The following CACNB2 variants were observed in gnomAD, a reference collection of about 807,000 sequenced individuals.
The protein encoded by CACNB2 is calcium voltage-gated channel auxiliary subunit beta 2, also known as voltage-dependent L-type calcium channel subunit beta-2.
CACNB2 carries 42 observed loss-of-function variants against 73.3 expected under a neutral mutation model. The observed-to-expected ratio is 0.57, with a 90% confidence interval of 0.45 to 0.74. The LOEUF (loss-of-function observed/expected upper bound fraction) is 0.74, where lower values mean the gene tolerates loss of function less well. Ranked by LOEUF, CACNB2 falls within the 30% of genes least tolerant of loss-of-function variation. The pLI is 0.00. For synonymous variants in CACNB2, 348 were observed against 310.3 expected (o/e 1.12, Z -1.28); for missense variants, 940 against 853.0 (o/e 1.10, Z -1.27).
chr10:18,158,117 T>C (rs2032191993), intron 2 of CACNB2, among the ~76,000 whole-genome samples: 1 of 152,182 alleles, frequency 6.6e-6, no homozygotes, highest in African/African-American at 2.4e-5. Context: ...AAGTCCTTTT[T>C]GAAAAGAAAA....
chr10:18,191,079 G>C (rs760208046), intron 2 of CACNB2, among the ~76,000 whole-genome samples: 10 of 152,184 alleles, frequency 6.6e-5, no homozygotes, highest in Non-Finnish European at 1.5e-4. Flanking sequence ...GTCAGGAACT[G>C]GGAGAGTGAA....
intron 2 of CACNB2, among the ~76,000 whole-genome samples, chr10:18,383,042 C>T (rs4747344): frequency 0.31 from 46,762 of 151,986 alleles, 7,341 homozygotes; most frequent in Non-Finnish European, 0.31. Flanking sequence ...GCATTTCCCA[C>T]TGGTAGGAAA....
chr10:18,411,850 C>A (rs933400065), intron 3 of CACNB2, among the ~76,000 whole-genome samples: 1 of 152,196 alleles, frequency 6.6e-6, no homozygotes, highest in Non-Finnish European at 1.5e-5. Context: ...CATGACCTTA[C>A]AATACATACA....
At chr10:18,530,513 C>CAAA (rs5783609) in intron 10 of CACNB2, among the ~76,000 whole-genome samples, 86 of 129,326 alleles carry the variant, frequency 6.6e-4, no homozygotes, top group African/African-American at 1.3e-3. Context: ...TACAAAAATG[C>CAAA]AAAAAAAAAA....
At chr10:18,505,822 A>G (rs569415140) in intron 5 of CACNB2, among the ~76,000 whole-genome samples, 60 of 152,310 alleles carry the variant, frequency 3.9e-4, no homozygotes, top group African/African-American at 1.3e-3. Flanking sequence ...TAGTTCGGAA[A>G]TGTATGATCT....
chr10:18,412,090 A>G (rs1192930285), intron 3 of CACNB2, among the ~76,000 whole-genome samples: 2 of 152,046 alleles, frequency 1.3e-5, no homozygotes, highest in African/African-American at 4.8e-5. Context: ...TCTCTTCCAT[A>G]TGGTTGTTTA....
At chr10:18,348,814 A>G (rs2041582907) in intron 2 of CACNB2, among the ~76,000 whole-genome samples, 1 of 152,104 alleles carries the variant, frequency 6.6e-6, no homozygotes, top group African/African-American at 2.4e-5. Context: ...CAAAGTTTAT[A>G]TTTTAAAGAG....
At chr10:18,497,578 C>T (rs1275313154) in intron 3 of CACNB2, among the ~76,000 whole-genome samples, 3 of 152,056 alleles carry the variant, frequency 2.0e-5, no homozygotes, top group African/African-American at 7.2e-5. Context: ...TGCCACCACA[C>T]CTAGCCTAAT....
At chr10:18,407,393 C>T (rs1454745838) in intron 3 of CACNB2, among the ~76,000 whole-genome samples, 2 of 151,948 alleles carry the variant, frequency 1.3e-5, no homozygotes, top group South Asian at 2.1e-4. Flanking sequence ...GAGTGCTAGG[C>T]TTACAGATGT....
chr10:18,381,027 C>A (rs970768366), intron 2 of CACNB2, among the ~76,000 whole-genome samples: 1 of 151,710 alleles, frequency 6.6e-6, no homozygotes, highest in Admixed American at 6.6e-5. Flanking sequence ...ACCAGGAGCC[C>A]CTCTGAAGAA....
intron 2 of CACNB2, among the ~76,000 whole-genome samples, chr10:18,161,608 A>G (rs1425241805): frequency 6.7e-6 from 1 of 148,636 alleles, no homozygotes; most frequent in Non-Finnish European, 1.5e-5. Context: ...CCGCATCTGA[A>G]AGTTGGAACA....
intron 3 of CACNB2, among the ~76,000 whole-genome samples, chr10:18,469,481 C>T (rs1048450963): frequency 6.6e-6 from 1 of 152,168 alleles, no homozygotes; most frequent in Non-Finnish European, 1.5e-5. Context: ...AACTTTTTAG[C>T]AGCTGTATTT....
At chr10:18,343,047 G>A (rs1180153694) in intron 2 of CACNB2, among the ~76,000 whole-genome samples, 3 of 152,130 alleles carry the variant, frequency 2.0e-5, no homozygotes, top group South Asian at 2.1e-4. Flanking sequence ...TTCTCATTGT[G>A]CATTAAAATG....
intron 2 of CACNB2, among the ~76,000 whole-genome samples, chr10:18,170,534 A>T (rs894224404): frequency 6.6e-6 from 1 of 152,202 alleles, no homozygotes; most frequent in Non-Finnish European, 1.5e-5. Flanking sequence ...ACATGCATTC[A>T]GAGTCATGTG....
chr10:18,335,722 C>T (rs2040975700), intron 2 of CACNB2, among the ~76,000 whole-genome samples: 2 of 151,250 alleles, frequency 1.3e-5, no homozygotes, highest in East Asian at 1.9e-4. Flanking sequence ...ATTAGTTTTT[C>T]TCTATATGTT....
At chr10:18,289,856 A>G (rs1313066443) in intron 2 of CACNB2, among the ~76,000 whole-genome samples, 3 of 152,132 alleles carry the variant, frequency 2.0e-5, no homozygotes, top group Admixed American at 2.0e-4. Flanking sequence ...TATTTTTAAA[A>G]TAAGTAGGAA....
chr10:18,197,808 C>A (rs1362219294), intron 2 of CACNB2, among the ~76,000 whole-genome samples: 1 of 151,752 alleles, frequency 6.6e-6, no homozygotes, highest in Non-Finnish European at 1.5e-5. Context: ...CGTGAGGCCT[C>A]TTATGAAGGA....
intron 3 of CACNB2, among the ~76,000 whole-genome samples, chr10:18,426,661 G>T (rs2045613450): frequency 6.6e-6 from 1 of 152,242 alleles, no homozygotes; most frequent in South Asian, 2.1e-4. Context: ...GCAACCTGGC[G>T]AGAATGTGTC....
intron 2 of CACNB2, among the ~76,000 whole-genome samples, chr10:18,253,787 G>A (rs1425736557): frequency 2.0e-5 from 3 of 152,060 alleles, no homozygotes; most frequent in African/African-American, 7.2e-5. Context: ...ATGTAATAAT[G>A]TTCTATCATT....
Sources: allele counts gnomAD v4.1 joint callset (sites outside exome capture counted in the v4.1 genomes callset), GRCh38; gene constraint gnomAD v4.1.1; transcripts MANE v1.5; gene names NCBI Gene and HGNC (gene_info 2026-07-23, HGNC 2026-07-21).